MTCL1: variants seen among roughly 807,000 people sequenced by gnomAD.
MTCL1 encodes the protein microtubule crosslinking factor 1.
Under a neutral mutation model 141.4 loss-of-function variants are expected in MTCL1, and 79 were observed. The ratio of observed to expected loss-of-function variants is 0.56; its 90% CI spans 0.47 to 0.67. The LOEUF (loss-of-function observed/expected upper bound fraction) is 0.67, where lower values mean the gene tolerates loss of function less well. Among genes scored for constraint, MTCL1 ranks in the 30% least tolerant of loss-of-function variants. MTCL1 has a pLI of 0.00. For missense variants in MTCL1, 2,177 were observed against 2,113.9 expected (o/e 1.03, Z -0.59); for synonymous variants, 914 against 875.8 (o/e 1.04, Z -0.77).
chr18:8,726,472 G>GGGGAGAGAGAGAGAGAGAGAGAGAGA (rs2096212880), intron 4 of MTCL1, among the ~76,000 whole-genome samples: 1 of 131,594 alleles, frequency 7.6e-6, no homozygotes, highest in Admixed American at 8.0e-5. Context: ...GAGAATAAGA[G>GGGGAGAGAGAGAGAGAGAGAGAGAGA]GAGAGAGAGA....
intron 4 of MTCL1, among the ~76,000 whole-genome samples, chr18:8,739,651 G>A (rs2148902211): frequency 6.6e-6 from 1 of 152,324 alleles, no homozygotes; most frequent in South Asian, 2.1e-4. Flanking sequence ...CAAAGGGGAG[G>A]TCTGTGTGTG....
chr18:8,770,606 G>A (rs1264728099), intron 4 of MTCL1, among the ~76,000 whole-genome samples: 1 of 152,144 alleles, frequency 6.6e-6, no homozygotes, highest in East Asian at 1.9e-4. Flanking sequence ...TCTAATACCA[G>A]CACGTTGAGA....
intron 3 of MTCL1, among the ~76,000 whole-genome samples, chr18:8,719,231 T>C (rs888084075): frequency 5.3e-5 from 8 of 152,344 alleles, no homozygotes; most frequent in African/African-American, 1.9e-4. Context: ...AGCGAGGCCC[T>C]CATGACCTGA....
At chr18:8,716,569 A>ATTTTTTTTT (rs138840096), upstream of MTCL1, among the ~76,000 whole-genome samples, 1 of 103,894 alleles carries the variant, frequency 9.6e-6, no homozygotes, top group Non-Finnish European at 1.9e-5. Context: ...CTTTTTGTTC[A>ATTTTTTTTT]TTTTTTTTTT....
intron 12 of MTCL1, 74 bp downstream of exon 11, chr18:8,813,307 C>T: frequency 1.3e-6 from 2 of 1,502,202 alleles, no homozygotes; most frequent in Non-Finnish European, 1.8e-6. Context: ...AAAGCAAAAG[C>T]ACTAGGCTGC....
Position 8,748,658 on chromosome 18 carries a change from T to C in MTCL1, c.357+28162T>C, listed in dbSNP as rs181641890. 8.1e-4 allele frequency among the ~76,000 whole-genome samples: 124 copies of C among 152,316 alleles called. 5 individuals are homozygous for C. Among genetic ancestry groups the C allele is most frequent in the African/African-American group, 3.0e-3 (124 of 41,554 alleles). ...GACTCCCCGAAATAAATTCAGTTTA[T>C]ATATATGTAAATAAATTCTGAAGAC... On this transcript the variant is annotated intron_variant, in intron 4 of 16. Transcript: ENST00000359865.
chr18:8,793,001 A>G (rs746350509), exon 8 of MTCL1: 9 of 1,613,558 alleles, frequency 5.6e-6, no homozygotes, highest in Non-Finnish European at 6.8e-6. Context: ...CGATCAGCTC[A>G]GGGGCCCCCC....
At chr18:8,802,956 C>T (rs571577941) in intron 10 of MTCL1, among the ~76,000 whole-genome samples, 1 of 152,224 alleles carries the variant, frequency 6.6e-6, no homozygotes, top group African/African-American at 2.4e-5. Context: ...TCAATGGAAC[C>T]GAGTCTTAAT....
chr18:8,710,129 C>T (rs377340450), intron 1 of MTCL1, among the ~76,000 whole-genome samples: 2 of 152,172 alleles, frequency 1.3e-5, no homozygotes, highest in Admixed American at 1.3e-4. Flanking sequence ...CATGAGCCAC[C>T]GCGCCCGGCC....
At chr18:8,718,460 A>T (rs749928240) in exon 3 of MTCL1, 1 of 1,614,184 alleles carries the variant, frequency 6.2e-7, no homozygotes, top group Non-Finnish European at 8.5e-7. Context: ...GATGGAAGAG[A>T]TGAGAGACAG....
At chr18:8,825,774 T>C (rs1488307302) in exon 15 of MTCL1, 1 of 1,614,048 alleles carries the variant, frequency 6.2e-7, no homozygotes, top group Non-Finnish European at 8.5e-7. Flanking sequence ...GTACAGTGAG[T>C]CAGCCTGGGC....
intron 4 of MTCL1, among the ~76,000 whole-genome samples, chr18:8,770,751 A>C (rs2096482121): frequency 6.6e-6 from 1 of 152,118 alleles, no homozygotes; most frequent in Non-Finnish European, 1.5e-5. Context: ...CATTATCATC[A>C]CTGTGCTCTT....
intron 6 of MTCL1, among the ~76,000 whole-genome samples, chr18:8,785,242 G>A (rs1381482544): frequency 6.6e-6 from 1 of 152,110 alleles, no homozygotes; most frequent in East Asian, 1.9e-4. Context: ...TAAGACAAAC[G>A]CATGTCACAG....
chr18:8,786,097 C>T lies in MTCL1; in HGVS notation c.1887+6C>T, dbSNP rs201261116. ...AGACCTGCTTCAGCCTGGAGGTCAGCGTGGGCAAGCAATCCCCCCCCCCCG... is the reference window on the plus strand; with the variant it reads ...AGACCTGCTTCAGCCTGGAGGTCAGTGTGGGCAAGCAATCCCCCCCCCCCG... On this transcript the variant is annotated splice_donor_region_variant and intron_variant, in intron 7 of 16. Coordinates refer to ENST00000359865, the Ensembl canonical transcript of MTCL1. The T allele has an allele frequency of 2.0e-5, 30 of 1,535,486 alleles. No homozygotes were observed. In the East Asian group the frequency reaches 5.2e-4, roughly 27 times the overall value.
intron 7 of MTCL1, among the ~76,000 whole-genome samples, chr18:8,792,709 C>G (rs1188808164): frequency 1.3e-5 from 2 of 152,180 alleles, no homozygotes; most frequent in Non-Finnish European, 2.9e-5. Flanking sequence ...ACTTTGACTT[C>G]CTTCTCTCAG....
intron 7 of MTCL1, among the ~76,000 whole-genome samples, chr18:8,789,229 C>A (rs896205027): frequency 7.2e-5 from 11 of 152,206 alleles, no homozygotes; most frequent in Non-Finnish European, 1.6e-4. Context: ...AAATGCCAGC[C>A]ACAAGGAAGT....
intron 4 of MTCL1, among the ~76,000 whole-genome samples, chr18:8,747,748 G>A (rs1280411503): frequency 1.3e-5 from 2 of 152,228 alleles, no homozygotes; most frequent in African/African-American, 4.8e-5. Context: ...AGCTGAGTAA[G>A]CCCTAAGGAA....
intron 4 of MTCL1, among the ~76,000 whole-genome samples, chr18:8,770,912 T>C (rs554973813): frequency 6.6e-6 from 1 of 151,930 alleles, no homozygotes; most frequent in East Asian, 1.9e-4. Context: ...GGAAGCAGGC[T>C]CCCCGGAACT....
chr18:8,792,443 T>C (rs2075764524), intron 7 of MTCL1, among the ~76,000 whole-genome samples: 1 of 152,236 alleles, frequency 6.6e-6, no homozygotes. Flanking sequence ...TCTCTGCTCA[T>C]TGATGAACCC....
Sources: gnomAD v4.1 joint callset for allele counts (sites outside exome capture counted in the v4.1 genomes callset) on GRCh38, gnomAD v4.1.1 for gene constraint, MANE v1.5 for transcripts, NCBI Gene and HGNC (gene_info 2026-07-23, HGNC 2026-07-21) for gene names.